FRMD3: variants seen among roughly 807,000 people sequenced by gnomAD.
FRMD3 encodes FERM domain-containing protein 3.
In FRMD3, 33 loss-of-function variants were observed where a neutral mutation model predicts 70.2. That is an observed-to-expected ratio of 0.47 (90% CI 0.36 to 0.63). The LOEUF (loss-of-function observed/expected upper bound fraction) is 0.63. FRMD3 is among the 20% of genes least tolerant of loss of function. The probability of loss-of-function intolerance (pLI) is 0.00; values close to 1 mark genes in which losing one functional copy is unlikely to be tolerated. For synonymous variants in FRMD3, 279 were observed against 255.9 expected, an observed-to-expected ratio of 1.09 and a Z score of -0.86; for missense variants, 632 against 711.4, an observed-to-expected ratio of 0.89 and a Z score of 1.27.
intron 13 of FRMD3, among the ~76,000 whole-genome samples, chr9:83,259,162 G>A (rs985886878): frequency 2.6e-5 from 4 of 152,160 alleles, no homozygotes; most frequent in African/African-American, 9.7e-5. Flanking sequence ...ACAAAATGAA[G>A]AATTATTTTG....
chr9:83,375,026 C>G (rs188485107), intron 2 of FRMD3, among the ~76,000 whole-genome samples: 1 of 152,218 alleles, frequency 6.6e-6, no homozygotes, highest in African/African-American at 2.4e-5. Flanking sequence ...TTCAACTCCT[C>G]GGCCCTTTCT....
rs533402738 is a variant in FRMD3, at chr9:83,386,168, T to A, written c.252+3436A>T. On this transcript the variant is annotated intron_variant, in intron 2 of 13. Transcript: ENST00000304195. ...GATAGGCTGCATAGCTTGGTCAAGA[T>A]CACACAGCTTACTAATCAGGAGAGA... Among the ~76,000 whole-genome samples the A allele has an allele frequency of 3.9e-5, 6 of 152,320 alleles. No homozygotes were observed. In the East Asian group the frequency reaches 1.2e-3, roughly 29 times the overall value.
At chr9:83,541,359 C>T (rs1829997695), upstream of FRMD3, among the ~76,000 whole-genome samples, 1 of 152,222 alleles carries the variant, frequency 6.6e-6, no homozygotes, top group South Asian at 2.1e-4. Context: ...AATTGACTAA[C>T]TGACTTCTGG....
chr9:83,383,214 C>T (rs1244656726), intron 2 of FRMD3, among the ~76,000 whole-genome samples: 7 of 152,220 alleles, frequency 4.6e-5, no homozygotes, highest in Admixed American at 4.6e-4. Context: ...GCTGAGTGAT[C>T]CAGTCAACAC....
intron 3 of FRMD3, among the ~76,000 whole-genome samples, chr9:83,365,673 G>C (rs1824762076): frequency 6.6e-6 from 1 of 152,084 alleles, no homozygotes; most frequent in East Asian, 1.9e-4. Flanking sequence ...GAGGTGTAGG[G>C]GGCAAGATAA....
chr9:83,580,642 ATT>A, the FRMD3 span, among the ~76,000 whole-genome samples: 1 of 152,092 alleles, frequency 6.6e-6, no homozygotes, highest in Non-Finnish European at 1.5e-5. Flanking sequence ...ACGGGGAATT[ATT>A]GGCCAAAGGG....
At chr9:83,514,600 G>A (rs1829413954) in intron 1 of FRMD3, among the ~76,000 whole-genome samples, 1 of 152,210 alleles carries the variant, frequency 6.6e-6, no homozygotes, top group South Asian at 2.1e-4. Context: ...CTAGCACAGT[G>A]CTCGAGCTCT....
intron 4 of FRMD3, among the ~76,000 whole-genome samples, chr9:83,348,238 T>G (rs1026512491): frequency 6.6e-6 from 1 of 152,152 alleles, no homozygotes; most frequent in African/African-American, 2.4e-5. Context: ...CTCTCTCCTC[T>G]CTCTCTCTCT....
At chr9:83,296,190 T>C (rs866346526) in intron 12 of FRMD3, among the ~76,000 whole-genome samples, 1 of 152,182 alleles carries the variant, frequency 6.6e-6, no homozygotes, top group Non-Finnish European at 1.5e-5. Flanking sequence ...ACCAAACAAG[T>C]GTCCAAGAGG....
intron 3 of FRMD3, among the ~76,000 whole-genome samples, chr9:83,351,465 C>CT (rs376825103): frequency 5.0e-4 from 74 of 148,650 alleles, no homozygotes; most frequent in Admixed American, 6.1e-4. Context: ...AGAAAAGAAC[C>CT]TTTTTTTTTT....
At chr9:83,278,108 A>G (rs539738335) in intron 13 of FRMD3, among the ~76,000 whole-genome samples, 1 of 152,368 alleles carries the variant, frequency 6.6e-6, no homozygotes, top group African/African-American at 2.4e-5. Flanking sequence ...CAAGGAGCTG[A>G]AATTTGAGCT....
At chr9:83,295,937 A>G (rs1331342878) in intron 12 of FRMD3, among the ~76,000 whole-genome samples, 1 of 152,254 alleles carries the variant, frequency 6.6e-6, no homozygotes. Flanking sequence ...AAAAATTCCA[A>G]GAAAGTGTTC....
chr9:83,407,948 G>A (rs1373708905), intron 1 of FRMD3, among the ~76,000 whole-genome samples: 2 of 131,138 alleles, frequency 1.5e-5, no homozygotes, highest in African/African-American at 6.1e-5. Flanking sequence ...TTCTCTCCAT[G>A]CAGCTCTCCA....
At chr9:83,441,667 T>G (rs1026733818) in intron 1 of FRMD3, among the ~76,000 whole-genome samples, 7 of 152,174 alleles carry the variant, frequency 4.6e-5, no homozygotes, top group African/African-American at 1.4e-4. Flanking sequence ...GAAAAAAGCC[T>G]CATTGCTAAA....
chr9:83,293,938 C>T (rs1028641069), intron 12 of FRMD3, among the ~76,000 whole-genome samples: 1 of 152,164 alleles, frequency 6.6e-6, no homozygotes, highest in Non-Finnish European at 1.5e-5. Flanking sequence ...ACAAAGAATC[C>T]AGGGCTCCCA....
At chr9:83,369,550 C>T (rs1233990299) in intron 3 of FRMD3, among the ~76,000 whole-genome samples, 13 of 151,120 alleles carry the variant, frequency 8.6e-5, no homozygotes, top group Non-Finnish European at 2.9e-5. Context: ...GCACTGTAGC[C>T]TGGATGACAG....
chr9:83,307,368 G>A (rs1220403822), intron 10 of FRMD3, among the ~76,000 whole-genome samples: 4 of 152,206 alleles, frequency 2.6e-5, no homozygotes, highest in African/African-American at 4.8e-5. Flanking sequence ...TCCAATGCTC[G>A]TAGCAGCATT....
chr9:83,374,187 G>T (rs557489917), intron 2 of FRMD3, among the ~76,000 whole-genome samples: 11 of 151,998 alleles, frequency 7.2e-5, no homozygotes, highest in African/African-American at 2.7e-4. Context: ...TCAACTGTAT[G>T]GCCTCCTGGC....
At chr9:83,577,774 C>A in the FRMD3 span, among the ~76,000 whole-genome samples, 15 of 151,676 alleles carry the variant, frequency 9.9e-5, no homozygotes, top group Middle Eastern at 3.4e-3. Flanking sequence ...AATCTTCAAG[C>A]AACTAGAAAA....
Sources: allele counts gnomAD v4.1 joint callset (sites outside exome capture counted in the v4.1 genomes callset), GRCh38; gene constraint gnomAD v4.1.1; transcripts MANE v1.5; gene names NCBI Gene and HGNC (gene_info 2026-07-23, HGNC 2026-07-21).